NRXN1: variants seen among roughly 807,000 people sequenced by gnomAD.
NRXN1 encodes the protein neurexin 1.
In NRXN1, 39 loss-of-function variants were observed where a neutral mutation model predicts 150.9. The ratio of observed to expected loss-of-function variants is 0.26; its 90% CI spans 0.20 to 0.34. NRXN1 has a LOEUF of 0.34. NRXN1 is among the 10% of genes least tolerant of loss of function. The pLI is 1.00. For synonymous variants in NRXN1, 924 were observed against 757.0 expected (o/e 1.22, Z -3.62); for missense variants, 1,815 against 1,949.9 (o/e 0.93, Z 1.30).
intron 15 of NRXN1, among the ~76,000 whole-genome samples, chr2:50,494,246 T>G (rs2091432764): frequency 6.6e-6 from 1 of 152,306 alleles, no homozygotes; most frequent in Admixed American, 6.5e-5. Context: ...TTTTAGCCAT[T>G]TTAATTTCCA....
At chr2:50,364,475 T>G (rs1319250632) in intron 17 of NRXN1, among the ~76,000 whole-genome samples, 1 of 152,112 alleles carries the variant, frequency 6.6e-6, no homozygotes, top group Non-Finnish European at 1.5e-5. Context: ...CAGTAGCATA[T>G]AAAACAGCTA....
At chr2:50,448,632 A>G (rs1198366339) in intron 17 of NRXN1, among the ~76,000 whole-genome samples, 2 of 152,228 alleles carry the variant, frequency 1.3e-5, no homozygotes, top group African/African-American at 2.4e-5. Context: ...ACTAAAATGC[A>G]TATCTTTTAT....
At chr2:50,667,966 T>C (rs909906054) in intron 5 of NRXN1, among the ~76,000 whole-genome samples, 4 of 152,036 alleles carry the variant, frequency 2.6e-5, no homozygotes, top group South Asian at 4.1e-4. Context: ...CATAACAAAA[T>C]GCCTTAAACC....
At chr2:50,843,206 T>C (rs546960887) in intron 5 of NRXN1, among the ~76,000 whole-genome samples, 2 of 152,312 alleles carry the variant, frequency 1.3e-5, no homozygotes, top group Admixed American at 1.3e-4. Context: ...GATATCCCTA[T>C]GGCTCTTCTT....
intron 12 of NRXN1, among the ~76,000 whole-genome samples, chr2:50,507,819 T>C (rs545889197): frequency 1.3e-5 from 2 of 152,078 alleles, no homozygotes; most frequent in East Asian, 3.9e-4. Context: ...AACATGCTGG[T>C]ACATTAAAAT....
chr2:50,024,819 C>T (rs1003357523), intron 21 of NRXN1, among the ~76,000 whole-genome samples: 2 of 151,998 alleles, frequency 1.3e-5, no homozygotes, highest in African/African-American at 4.8e-5. Context: ...GGTTTCATCA[C>T]GTTGGCCAGG....
At chr2:50,894,678 T>C (rs1402517392) in intron 5 of NRXN1, among the ~76,000 whole-genome samples, 2 of 152,150 alleles carry the variant, frequency 1.3e-5, no homozygotes, top group Non-Finnish European at 2.9e-5. Context: ...TGGTGAGCCA[T>C]GTGGTTATAT....
chr2:50,473,448 A>G (rs544228751), intron 15 of NRXN1, among the ~76,000 whole-genome samples: 2 of 152,016 alleles, frequency 1.3e-5, no homozygotes, highest in Non-Finnish European at 2.9e-5. Flanking sequence ...TTCAATAAAC[A>G]TAACTAAGTG....
rs532881721 is a variant in NRXN1, at chr2:50,346,873, C to G, written c.3365-109903G>C. The G allele has an allele frequency of 4.8e-6, 6 of 1,242,928 alleles. No homozygotes were observed. The highest frequency in any genetic ancestry group is 1.8e-5 in the African/African-American group (1 of 55,848). 77.0% of individuals were successfully genotyped at this position (1,242,928 alleles called of 1,614,324 possible). On this transcript the variant is annotated intron_variant, in intron 17 of 22. Transcript: ENST00000401669. The surrounding 1 kb of genome is among the most constrained non-coding windows in gnomAD (Gnocchi z 5.0). ...AAGCAGGGCCAGGCGCCCCCCTGCG[C>G]CGCCGCCGCCGCCGCCGCCGCCGCC...
At chr2:50,228,711 ACT>A (rs2064647183) in intron 18 of NRXN1, among the ~76,000 whole-genome samples, 1 of 151,970 alleles carries the variant, frequency 6.6e-6, no homozygotes, top group Non-Finnish European at 1.5e-5. Context: ...CTTTCACCAA[ACT>A]TTTTTGTCTG....
intron 2 of NRXN1, among the ~76,000 whole-genome samples, chr2:50,943,787 C>CT (rs5831157): frequency 0.24 from 35,913 of 152,090 alleles, 5,206 homozygotes; most frequent in Non-Finnish European, 0.33. Flanking sequence ...TGTGAAATAA[C>CT]TTTTTTCTGA....
At chr2:50,702,726 C>A (rs1473488498) in intron 5 of NRXN1, among the ~76,000 whole-genome samples, 2 of 152,098 alleles carry the variant, frequency 1.3e-5, no homozygotes, top group Non-Finnish European at 2.9e-5. Flanking sequence ...GATAAATTCA[C>A]TAAATTAAAA....
At chr2:50,494,288 C>A (rs987244790) in intron 15 of NRXN1, among the ~76,000 whole-genome samples, 8 of 152,128 alleles carry the variant, frequency 5.3e-5, no homozygotes, top group Admixed American at 2.6e-4. Flanking sequence ...GTGAAGTTCA[C>A]TTATACTTAC....
chr2:50,979,266 T>C (rs186145754), intron 2 of NRXN1: 36 of 518,170 alleles, frequency 6.9e-5, no homozygotes, highest in African/African-American at 6.3e-4. Context: ...AGATGCAATA[T>C]TTACATCAGC....
chr2:50,151,239 A>G (rs1006137882), intron 18 of NRXN1, among the ~76,000 whole-genome samples: 1 of 151,702 alleles, frequency 6.6e-6, no homozygotes, highest in African/African-American at 2.4e-5. Flanking sequence ...TCTGGGAGCC[A>G]ATAAATCTCC....
intron 2 of NRXN1, among the ~76,000 whole-genome samples, chr2:51,005,804 TA>T: frequency 6.6e-6 from 1 of 152,014 alleles, no homozygotes; most frequent in South Asian, 2.1e-4. Flanking sequence ...ACCTTCAATC[TA>T]AATGGATTTA....
intron 2 of NRXN1, among the ~76,000 whole-genome samples, chr2:51,020,443 T>G (rs996030067): frequency 1.2e-4 from 19 of 152,006 alleles, no homozygotes; most frequent in African/African-American, 4.3e-4. Flanking sequence ...TGATGCATAC[T>G]TCTGGGCATA....
intron 18 of NRXN1, among the ~76,000 whole-genome samples, chr2:50,101,213 T>C (rs969411560): frequency 1.3e-5 from 2 of 152,126 alleles, no homozygotes; most frequent in African/African-American, 2.4e-5. Context: ...GGGCAATACA[T>C]TGTGTTTCAG....
chr2:49,994,105 A>G (rs932188172), intron 21 of NRXN1, among the ~76,000 whole-genome samples: 1 of 152,148 alleles, frequency 6.6e-6, no homozygotes, highest in Non-Finnish European at 1.5e-5. Flanking sequence ...CTTCACAAGC[A>G]GAGTCTCTCA....
Sources: gnomAD v4.1 joint callset for allele counts (sites outside exome capture counted in the v4.1 genomes callset) on GRCh38, gnomAD v4.1.1 for gene constraint, Gnocchi (gnomAD v3.1) non-coding constraint, MANE v1.5 for transcripts, NCBI Gene and HGNC (gene_info 2026-07-23, HGNC 2026-07-21) for gene names.